The following DOCK5 variants were observed in gnomAD, a reference collection of about 807,000 sequenced individuals.
The protein encoded by DOCK5 is dedicator of cytokinesis 5.
DOCK5 carries 142 observed loss-of-function variants against 251.8 expected under a neutral mutation model. That is an observed-to-expected ratio of 0.56 (90% CI 0.49 to 0.65). The LOEUF is 0.65. Ranked by LOEUF, DOCK5 falls within the 30% of genes least tolerant of loss-of-function variation. DOCK5 has a pLI of 0.00. For missense variants in DOCK5, 2,111 were observed against 2,312.3 expected (o/e 0.91, Z 1.79); for synonymous variants, 842 against 835.5 (o/e 1.01, Z -0.13).
chr8:25,381,335 A>G (rs756654798), intron 39 of DOCK5, among the ~76,000 whole-genome samples: 3 of 152,142 alleles, frequency 2.0e-5, no homozygotes, highest in East Asian at 1.9e-4. Flanking sequence ...TATTAATTTC[A>G]TCAACTGGGC....
chr8:25,217,195 T>C (rs1009749990), intron 1 of DOCK5, among the ~76,000 whole-genome samples: 7 of 149,912 alleles, frequency 4.7e-5, no homozygotes. Flanking sequence ...GAGATATATA[T>C]ATATATACAC....
intron 27 of DOCK5, among the ~76,000 whole-genome samples, chr8:25,354,836 T>C (rs1401595899): frequency 1.3e-5 from 2 of 152,146 alleles, no homozygotes; most frequent in Non-Finnish European, 2.9e-5. Context: ...GCCAAAATGG[T>C]ATCTGATTAT....
At chr8:25,324,331 A>G (rs776221696) in intron 17 of DOCK5, among the ~76,000 whole-genome samples, 1 of 152,138 alleles carries the variant, frequency 6.6e-6, no homozygotes, top group Non-Finnish European at 1.5e-5. Context: ...TGTGGTGGAT[A>G]TGGTTTTCCC....
At chr8:25,202,867 A>G (rs990561045) in intron 1 of DOCK5, among the ~76,000 whole-genome samples, 1 of 152,066 alleles carries the variant, frequency 6.6e-6, no homozygotes, top group Non-Finnish European at 1.5e-5. Context: ...GCACTGCAAT[A>G]CCCCGGCAGT....
At position 25,217,754 on chromosome 8, in the gene DOCK5, A is replaced by G. The variant is rs142874098; in HGVS notation, c.44-25920A>G. ...AGTTTGAGAGGGTGCAGTATGCATG[A>G]CATTAATCTAACATTGAATCATGTA... On this transcript the variant is annotated intron_variant, in intron 1 of 51. Coordinates refer to ENST00000276440, the MANE Select transcript of DOCK5 (RefSeq NM_024940.8). 4.7e-3 allele frequency among the ~76,000 whole-genome samples: 715 copies of G among 152,344 alleles called. 4 individuals are homozygous for G. Among genetic ancestry groups the G allele is most frequent in the African/African-American group, 0.016 (683 of 41,570 alleles).
At chr8:25,289,566 G>A (rs1009185741) in intron 5 of DOCK5, among the ~76,000 whole-genome samples, 2 of 152,102 alleles carry the variant, frequency 1.3e-5, no homozygotes, top group Admixed American at 1.3e-4. Context: ...AATGGGGCTG[G>A]GCGTGGTGGC....
chr8:25,325,792 T>A (rs2256166), intron 18 of DOCK5, among the ~76,000 whole-genome samples: 132,876 of 152,228 alleles, frequency 0.87, 58,230 homozygotes, highest in Middle Eastern at 0.95. Flanking sequence ...ATTTAATATC[T>A]TAAAACCTAT....
chr8:25,397,084 T>G (rs1389730966), intron 45 of DOCK5, among the ~76,000 whole-genome samples: 1 of 151,834 alleles, frequency 6.6e-6, no homozygotes, highest in East Asian at 1.9e-4. Flanking sequence ...CAGCTGGGCG[T>G]GATGGCGGGT....
intron 1 of DOCK5, among the ~76,000 whole-genome samples, chr8:25,205,915 T>C (rs1801989343): frequency 6.6e-6 from 1 of 152,168 alleles, no homozygotes; most frequent in Non-Finnish European, 1.5e-5. Context: ...GAAGTGGACA[T>C]AGATTCTGTT....
chr8:25,314,684 A>G (rs866203806), intron 13 of DOCK5, among the ~76,000 whole-genome samples: 36 of 5,014 alleles, frequency 7.2e-3, no homozygotes, highest in African/African-American at 0.022. Flanking sequence ...CCATGTATCT[A>G]TCCATCCATC....
intron 1 of DOCK5, among the ~76,000 whole-genome samples, chr8:25,243,381 T>G (rs9692988): frequency 6.6e-6 from 1 of 150,786 alleles, no homozygotes; most frequent in African/African-American, 2.5e-5. Context: ...CCCAGGCTGG[T>G]GTGCAGTGGC....
At chr8:25,402,071 C>A (rs1164194421) in intron 47 of DOCK5, among the ~76,000 whole-genome samples, 1 of 152,164 alleles carries the variant, frequency 6.6e-6, no homozygotes, top group Non-Finnish European at 1.5e-5. Flanking sequence ...CTCTACTTAT[C>A]TGCATTTTTT....
intron 18 of DOCK5, among the ~76,000 whole-genome samples, chr8:25,328,698 T>C (rs13265414): frequency 0.049 from 7,448 of 152,218 alleles, 256 homozygotes; most frequent in South Asian, 0.12. Context: ...TTTGTTTACT[T>C]GATTTGTTTT....
At chr8:25,312,142 A>C (rs1304611273) in intron 13 of DOCK5, among the ~76,000 whole-genome samples, 1 of 152,030 alleles carries the variant, frequency 6.6e-6, no homozygotes. Context: ...TATTTTGTCC[A>C]TTACATAGCT....
At chr8:25,387,035 T>A (rs1427455635) in intron 40 of DOCK5, among the ~76,000 whole-genome samples, 1 of 152,184 alleles carries the variant, frequency 6.6e-6, no homozygotes, top group Non-Finnish European at 1.5e-5. Context: ...AGGAGTGATA[T>A]AACCTCACTG....
chr8:25,331,266 C>T (rs1036322162), intron 18 of DOCK5, among the ~76,000 whole-genome samples: 2 of 151,352 alleles, frequency 1.3e-5, no homozygotes, highest in African/African-American at 4.9e-5. Flanking sequence ...CACACACACA[C>T]ACACATATAT....
Position 25,196,046 on chromosome 8 carries a change from A to G in DOCK5, c.43+11095A>G, listed in dbSNP as rs372035574. Among the ~76,000 whole-genome samples the G allele has an allele frequency of 2.6e-4, 40 of 152,374 alleles. No homozygotes were observed. The East Asian group carries it at 5.2e-3, about 20-fold the overall frequency. On this transcript the variant is annotated intron_variant, in intron 1 of 51. Coordinates refer to ENST00000276440, the MANE Select transcript of DOCK5 (RefSeq NM_024940.8). ...AGAGAAACATCAAAGGCAGAGAGAA[A>G]GGGACATTCAAGTAATGGAGAAAAT...
intron 2 of DOCK5, among the ~76,000 whole-genome samples, chr8:25,261,706 G>A (rs1054034955): frequency 3.3e-5 from 5 of 152,082 alleles, no homozygotes; most frequent in African/African-American, 9.7e-5. Context: ...CTAACATTCC[G>A]ATCAAGATAA....
chr8:25,316,942 A>G (rs1161452842), intron 13 of DOCK5, 65 bp from the exon 14 acceptor site: 3 of 1,593,664 alleles, frequency 1.9e-6, no homozygotes, highest in East Asian at 2.2e-5. Context: ...TTTATGTCGT[A>G]TGACATTCTG....
Sources: gnomAD v4.1 joint callset for allele counts (sites outside exome capture counted in the v4.1 genomes callset) on GRCh38, gnomAD v4.1.1 for gene constraint, MANE v1.5 for transcripts, NCBI Gene and HGNC (gene_info 2026-07-23, HGNC 2026-07-21) for gene names.